SYN3: variants seen among roughly 807,000 people sequenced by gnomAD.
SYN3 encodes the protein synapsin III.
In SYN3, 35 loss-of-function variants were observed where a neutral mutation model predicts 65.8. The ratio of observed to expected loss-of-function variants is 0.53; its 90% CI spans 0.41 to 0.70. The LOEUF (loss-of-function observed/expected upper bound fraction) is 0.70, where lower values mean the gene tolerates loss of function less well. Ranked by LOEUF, SYN3 falls within the 30% of genes least tolerant of loss-of-function variation. The probability of loss-of-function intolerance (pLI) is 0.00; values close to 1 mark genes in which losing one functional copy is unlikely to be tolerated. For synonymous variants in SYN3, 270 were observed against 292.9 expected, an observed-to-expected ratio of 0.92 and a Z score of 0.80; for missense variants, 680 against 749.0, an observed-to-expected ratio of 0.91 and a Z score of 1.08.
At chr22:32,596,603 G>A in intron 7 of SYN3, 71 bp downstream of exon 7, 4 of 1,520,438 alleles carry the variant, frequency 2.6e-6, no homozygotes, top group Admixed American at 3.5e-5. Context: ...GGTGACAGAG[G>A]GAGAGAGGAA....
rs139474181 is a variant in SYN3, at chr22:32,857,999, T to C, written c.711+6916A>G. 7.4e-5 allele frequency: 119 copies of C among 1,614,180 alleles called. No homozygotes were observed. Among genetic ancestry groups the C allele is most frequent in the Non-Finnish European group, 9.4e-5 (111 of 1,180,012 alleles). ...TGGACAAAACAACCTCTCCTTGTTT[T>C]CTTCTTTCCTCCTGTAGGTCGCGTC... On this transcript the variant is annotated intron_variant, in intron 6 of 13. Transcript: ENST00000358763.
Position 32,564,434 on chromosome 22 carries a change from C to G in SYN3, c.775-22721G>C, listed in dbSNP as rs571346638. 8.7e-4 allele frequency among the ~76,000 whole-genome samples: 132 copies of G among 152,340 alleles called. 1 individual carries two copies. The highest frequency in any genetic ancestry group is 2.3e-3 in the South Asian group (11 of 4,830). Reference sequence around the variant, plus strand: ...AACCATGGCCAGCCTTTATTGAATGCTTTTCATATGCCAGGCATTGTTCTA... The same window carrying G: ...AACCATGGCCAGCCTTTATTGAATGGTTTTCATATGCCAGGCATTGTTCTA... On this transcript the variant is annotated intron_variant, in intron 7 of 13. Coordinates refer to ENST00000358763, the MANE Select transcript of SYN3 (RefSeq NM_003490.4).
chr22:32,730,802 C>T (rs2061260288), intron 6 of SYN3, among the ~76,000 whole-genome samples: 1 of 152,216 alleles, frequency 6.6e-6, no homozygotes, highest in Non-Finnish European at 1.5e-5. Context: ...ACCTACCCAA[C>T]ACATCACTTG....
intron 6 of SYN3, among the ~76,000 whole-genome samples, chr22:32,815,512 A>T (rs2047064786): frequency 6.6e-6 from 1 of 152,206 alleles, no homozygotes; most frequent in Non-Finnish European, 1.5e-5. Flanking sequence ...ATAACCACTC[A>T]TTGAGGTAGG....
intron 6 of SYN3, among the ~76,000 whole-genome samples, chr22:32,772,966 C>A (rs1158491807): frequency 1.3e-5 from 2 of 152,198 alleles, no homozygotes; most frequent in African/African-American, 4.8e-5. Context: ...GAAACTAGTG[C>A]AAGCTAGATA....
chr22:32,862,224 G>T (rs1009497734), intron 6 of SYN3: 1 of 152,168 alleles, frequency 6.6e-6, no homozygotes, highest in African/African-American at 2.4e-5. Flanking sequence ...AAGAATCCAG[G>T]GCCATGGGAG....
intron 2 of SYN3, among the ~76,000 whole-genome samples, chr22:32,998,470 A>G (rs1337807934): frequency 3.3e-5 from 5 of 152,194 alleles, no homozygotes; most frequent in Non-Finnish European, 1.5e-5. Context: ...ATAGCAATAG[A>G]TCATTGCGGA....
At chr22:32,812,692 T>C (rs900233348) in intron 6 of SYN3, among the ~76,000 whole-genome samples, 2 of 152,208 alleles carry the variant, frequency 1.3e-5, no homozygotes, top group African/African-American at 4.8e-5. Flanking sequence ...AGGACTTCTC[T>C]CATGGAAGTC....
chr22:32,621,145 C>T (rs1416536332), intron 6 of SYN3, among the ~76,000 whole-genome samples: 1 of 152,198 alleles, frequency 6.6e-6, no homozygotes, highest in Non-Finnish European at 1.5e-5. Flanking sequence ...TCCCTCCATG[C>T]TCCCTTGGGC....
chr22:32,916,634 G>A (rs1238132867), intron 4 of SYN3, among the ~76,000 whole-genome samples: 1 of 152,064 alleles, frequency 6.6e-6, no homozygotes, highest in East Asian at 1.9e-4. Flanking sequence ...TTTAAAGTGG[G>A]GTCTGTAGAC....
intron 7 of SYN3, among the ~76,000 whole-genome samples, chr22:32,587,638 CG>C (rs1242183468): frequency 6.6e-6 from 1 of 152,282 alleles, no homozygotes; most frequent in East Asian, 1.9e-4. Flanking sequence ...CGACCAGGCC[CG>C]GAAAGCTCAT....
intron 6 of SYN3, 112 bp from the exon 7 acceptor site, chr22:32,596,848 C>T (rs2059207477): frequency 1.8e-6 from 2 of 1,095,564 alleles, no homozygotes; most frequent in Admixed American, 2.2e-5. Flanking sequence ...TCGGGAATCC[C>T]CACAAGAATG....
chr22:32,787,512 T>G (rs2046225019), intron 6 of SYN3, among the ~76,000 whole-genome samples: 1 of 152,140 alleles, frequency 6.6e-6, no homozygotes, highest in African/African-American at 2.4e-5. Flanking sequence ...ATCTGGAAAA[T>G]GAGGATGATG....
intron 2 of SYN3, among the ~76,000 whole-genome samples, chr22:32,987,363 G>A (rs2052558608): frequency 6.6e-6 from 1 of 152,172 alleles, no homozygotes; most frequent in South Asian, 2.1e-4. Flanking sequence ...TGGCAGGCTG[G>A]ATGGGCAGAG....
intron 12 of SYN3, among the ~76,000 whole-genome samples, chr22:32,527,023 T>C (rs889870275): frequency 5.9e-5 from 9 of 152,138 alleles, no homozygotes; most frequent in African/African-American, 1.9e-4. Context: ...TTGAGAAAGT[T>C]AGTTAGCCAT....
intron 7 of SYN3, among the ~76,000 whole-genome samples, chr22:32,588,776 G>A (rs901928065): frequency 1.2e-4 from 19 of 152,150 alleles, no homozygotes; most frequent in Admixed American, 9.2e-4. Context: ...CTATACCAGC[G>A]GTTGGCCTTG....
At chr22:32,562,801 G>T (rs1457046935) in intron 7 of SYN3, among the ~76,000 whole-genome samples, 1 of 152,240 alleles carries the variant, frequency 6.6e-6, no homozygotes, top group Non-Finnish European at 1.5e-5. Flanking sequence ...ATTGCTTCGG[G>T]CCATGTCTGC....
chr22:32,612,839 CTAAA>C lies in SYN3; in HGVS notation c.712-16107_712-16104del, dbSNP rs564903924. ...GGGTGACAAAGTGAGACCCTGTGTC[CTAAA>C]TAAATAAATAAATAAATAAATGATA... On this transcript the variant is annotated intron_variant, in intron 6 of 13. Transcript: ENST00000358763. Among the ~76,000 whole-genome samples the C allele has an allele frequency of 3.3e-3, 506 of 151,880 alleles. 2 individuals are homozygous for C. Among genetic ancestry groups the C allele is most frequent in the African/African-American group, 0.011 (465 of 41,384 alleles).
At position 33,007,013 on chromosome 22, in the gene SYN3, C is replaced by T. The variant is rs570616650; in HGVS notation, c.-162-189G>A. On this transcript the variant is annotated intron_variant, in intron 1 of 13. Transcript: ENST00000358763. ...CAATTTCCATTTTCTGGAATTATAT[C>T]GCAAAGAAAGATTCTAAGTTACAGA... is the stretch of plus-strand genomic sequence containing the variant. Among the ~76,000 whole-genome samples the T allele has an allele frequency of 2.4e-4, 37 of 152,262 alleles. No homozygotes were observed. The East Asian group carries it at 5.8e-3, about 24-fold the overall frequency.
Sources: allele counts gnomAD v4.1 joint callset (sites outside exome capture counted in the v4.1 genomes callset), GRCh38; gene constraint gnomAD v4.1.1; transcripts MANE v1.5; gene names NCBI Gene and HGNC (gene_info 2026-07-23, HGNC 2026-07-21).